The following BMAL1 variants were observed in gnomAD, a reference collection of about 807,000 sequenced individuals.
BMAL1 encodes the protein basic helix-loop-helix ARNT-like protein 1.
the BMAL1 span, among the ~76,000 whole-genome samples, chr11:13,314,595 C>T: frequency 6.6e-6 from 1 of 151,942 alleles, no homozygotes; most frequent in African/African-American, 2.4e-5. Flanking sequence ...TTTGATGGAC[C>T]GATAATAGCA....
chr11:13,360,547 A>T, the BMAL1 span: 4 of 776,534 alleles, frequency 5.2e-6, no homozygotes, highest in East Asian at 1.1e-4. Context: ...TTCCTCTCTC[A>T]GGTCCCTCCC....
the BMAL1 span, chr11:13,354,616 G>A: frequency 6.9e-6 from 6 of 872,714 alleles, no homozygotes; most frequent in Non-Finnish European, 1.0e-5. Context: ...CCCCTAGTTT[G>A]TAAGCAAGAA....
the BMAL1 span, among the ~76,000 whole-genome samples, chr11:13,282,953 C>T: frequency 6.6e-6 from 1 of 152,148 alleles, no homozygotes; most frequent in African/African-American, 2.4e-5. Flanking sequence ...GGGGGTGCAA[C>T]AGGGCCATAA....
At chr11:13,341,139 CTCT>C in the BMAL1 span, among the ~76,000 whole-genome samples, 3 of 152,102 alleles carry the variant, frequency 2.0e-5, no homozygotes, top group Non-Finnish European at 4.4e-5. Context: ...AACCCTCAGC[CTCT>C]TCTTCTGCTG....
the BMAL1 span, among the ~76,000 whole-genome samples, chr11:13,372,005 C>T: frequency 2.0e-5 from 3 of 152,158 alleles, no homozygotes; most frequent in African/African-American, 4.8e-5. Context: ...GTTTCTCTTT[C>T]CGTCTGCCCC....
the BMAL1 span, among the ~76,000 whole-genome samples, chr11:13,314,749 C>T: frequency 6.6e-6 from 1 of 152,174 alleles, no homozygotes; most frequent in Non-Finnish European, 1.5e-5. Context: ...CCCCCTTAAT[C>T]CAGCTGAGAA....
chr11:13,372,295 G>C, the BMAL1 span: 2 of 1,614,066 alleles, frequency 1.2e-6, no homozygotes, highest in Non-Finnish European at 1.7e-6. Flanking sequence ...GTCGCAATTG[G>C]ACGACTGCAT....
chr11:13,306,392 G>A, the BMAL1 span, among the ~76,000 whole-genome samples: 423 of 152,352 alleles, frequency 2.8e-3, no homozygotes, highest in Non-Finnish European at 5.2e-3. Context: ...AGGACAGTGA[G>A]GAAGTGCAAG....
the BMAL1 span, among the ~76,000 whole-genome samples, chr11:13,286,863 T>C: frequency 6.6e-6 from 1 of 152,168 alleles, no homozygotes; most frequent in East Asian, 1.9e-4. Flanking sequence ...AATATAGTTA[T>C]AAGTGCCCTT....
At chr11:13,385,643 T>A in the BMAL1 span, 1 of 1,461,668 alleles carries the variant, frequency 6.8e-7, no homozygotes. Flanking sequence ...TTGGCATTGC[T>A]CATAATACTG....
chr11:13,315,843 C>A, the BMAL1 span, among the ~76,000 whole-genome samples: 4 of 152,144 alleles, frequency 2.6e-5, no homozygotes, highest in Admixed American at 6.5e-5. Context: ...CTGCTTCTTG[C>A]CTTTTGCATC....
At chr11:13,372,489 C>T in the BMAL1 span, 3 of 1,555,848 alleles carry the variant, frequency 1.9e-6, no homozygotes, top group South Asian at 2.4e-5. Flanking sequence ...AAGACTGGGC[C>T]ATCAGCTGGC....
chr11:13,291,818 T>TACAGAATACTCTGTATGAA, the BMAL1 span, among the ~76,000 whole-genome samples: 6 of 152,244 alleles, frequency 3.9e-5, no homozygotes, highest in Non-Finnish European at 7.3e-5. Flanking sequence ...CTCTGTATGA[T>TACAGAATACTCTGTATGAA]ACAGAATACT....
the BMAL1 span, among the ~76,000 whole-genome samples, chr11:13,362,901 CA>C: frequency 6.6e-6 from 1 of 151,984 alleles, no homozygotes; most frequent in Non-Finnish European, 1.5e-5. Flanking sequence ...CTGGGCCCCA[CA>C]AATTATGTAA....
the BMAL1 span, among the ~76,000 whole-genome samples, chr11:13,292,029 C>G: frequency 6.6e-6 from 1 of 152,186 alleles, no homozygotes. Flanking sequence ...AGTGCCTTTC[C>G]TAGGAATGGA....
At chr11:13,352,670 A>G in the BMAL1 span, among the ~76,000 whole-genome samples, 1 of 152,224 alleles carries the variant, frequency 6.6e-6, no homozygotes, top group Admixed American at 6.5e-5. Flanking sequence ...GCAAGGAAAT[A>G]TATGCACAAA....
the BMAL1 span, among the ~76,000 whole-genome samples, chr11:13,382,092 C>G: frequency 1.4e-4 from 21 of 152,042 alleles, no homozygotes; most frequent in African/African-American, 4.4e-4. Flanking sequence ...GTTCAGGTTA[C>G]CAAGAGCTGT....
chr11:13,317,354 C>A, the BMAL1 span, among the ~76,000 whole-genome samples: 1 of 152,036 alleles, frequency 6.6e-6, no homozygotes, highest in Non-Finnish European at 1.5e-5. Context: ...GAGTCTATGT[C>A]CTTTGTTGTT....
the BMAL1 span, among the ~76,000 whole-genome samples, chr11:13,378,006 G>T: frequency 6.6e-6 from 1 of 152,204 alleles, no homozygotes; most frequent in Admixed American, 6.5e-5. Context: ...TGGTTTTCCT[G>T]TTAAACTGTG....
Sources: gnomAD v4.1 joint callset for allele counts (sites outside exome capture counted in the v4.1 genomes callset) on GRCh38, gnomAD v4.1.1 for gene constraint, MANE v1.5 for transcripts, NCBI Gene and HGNC (gene_info 2026-07-23, HGNC 2026-07-21) for gene names.